CADPS: variants seen among roughly 807,000 people sequenced by gnomAD.
CADPS encodes the protein calcium dependent secretion activator.
In CADPS, 57 loss-of-function variants were observed where a neutral mutation model predicts 167.3. That is an observed-to-expected ratio of 0.34 (90% CI 0.28 to 0.42). The LOEUF is 0.42. Among genes scored for constraint, CADPS ranks in the 20% least tolerant of loss-of-function variants. The pLI is 1.00. For synonymous variants in CADPS, 676 were observed against 635.3 expected, an observed-to-expected ratio of 1.06 and a Z score of -0.96; for missense variants, 1,414 against 1,738.1, an observed-to-expected ratio of 0.81 and a Z score of 3.32.
intron 6 of CADPS, among the ~76,000 whole-genome samples, chr3:62,603,222 T>A (rs895359139): frequency 1.3e-5 from 2 of 152,192 alleles, no homozygotes; most frequent in Admixed American, 6.5e-5. Flanking sequence ...AAAAATGATT[T>A]CAAGAAACTC....
chr3:62,794,265 A>G (rs752687295), intron 1 of CADPS, among the ~76,000 whole-genome samples: 2 of 152,176 alleles, frequency 1.3e-5, no homozygotes, highest in Non-Finnish European at 2.9e-5. Context: ...TGTGTCAACT[A>G]GATACATTTG....
rs547611004 is a variant in CADPS at position 62,446,597 on chromosome 3, G to T, written c.3637-800C>A. On this transcript the variant is annotated intron_variant, in intron 26 of 29. Transcript: ENST00000383710. This position sits in a 1 kb window ranked among gnomAD's most constrained non-coding sequence, Gnocchi z 4.9. ...ATTATTAGTAATAGTGCTTATTTCCGCAGGTTGATAAGGGTGAATTCACAC... is the reference window on the plus strand; with the variant it reads ...ATTATTAGTAATAGTGCTTATTTCCTCAGGTTGATAAGGGTGAATTCACAC... Among the ~76,000 whole-genome samples, 2 of 152,108 alleles carry T rather than the reference G, an allele frequency of 1.3e-5. No individual in the cohort carries two copies. Among genetic ancestry groups the T allele is most frequent in the Non-Finnish European group, 2.9e-5 (2 of 68,032 alleles).
At chr3:62,628,846 T>C (rs1485914639) in intron 6 of CADPS, among the ~76,000 whole-genome samples, 1 of 151,998 alleles carries the variant, frequency 6.6e-6, no homozygotes, top group African/African-American at 2.4e-5. Context: ...AGTATTGTCT[T>C]GATCTCTTGA....
At chr3:62,723,168 A>G (rs1246282636) in intron 3 of CADPS, among the ~76,000 whole-genome samples, 1 of 152,228 alleles carries the variant, frequency 6.6e-6, no homozygotes, top group East Asian at 1.9e-4. Context: ...AGAAAGTGCT[A>G]CAAGGGAAAA....
chr3:62,636,939 T>C (rs970026158), intron 6 of CADPS, among the ~76,000 whole-genome samples: 2 of 152,164 alleles, frequency 1.3e-5, no homozygotes, highest in Non-Finnish European at 2.9e-5. Flanking sequence ...CCTTGGCCAA[T>C]TGATTTCCAG....
In CADPS at chr3:62,862,032, A is replaced by ACTC. The variant is rs140289106; in HGVS notation, c.441+12556_441+12557insGAG. ...TTCATTAGGCAGGAGAGACATAGGG[A>ACTC]CTGGAGCCTTGGAACTCTCCAAGGC... On this transcript the variant is annotated intron_variant, in intron 1 of 29. Transcript: ENST00000383710. 5.2e-4 allele frequency among the ~76,000 whole-genome samples: 79 copies of ACTC among 151,886 alleles called. No homozygotes were observed. In the East Asian group the frequency reaches 0.013, roughly 25 times the overall value.
At chr3:62,728,058 T>C (rs1215857520) in intron 3 of CADPS, among the ~76,000 whole-genome samples, 1 of 151,862 alleles carries the variant, frequency 6.6e-6, no homozygotes, top group Admixed American at 6.5e-5. Flanking sequence ...TATGGTACTG[T>C]TATTTTTCAA....
At chr3:62,638,459 C>G (rs2066767219) in intron 6 of CADPS, among the ~76,000 whole-genome samples, 1 of 152,058 alleles carries the variant, frequency 6.6e-6, no homozygotes. Flanking sequence ...CAGTCCAGTT[C>G]TTAGATTTAC....
intron 7 of CADPS, among the ~76,000 whole-genome samples, chr3:62,586,567 C>T (rs1359698551): frequency 2.0e-5 from 3 of 152,208 alleles, no homozygotes; most frequent in Admixed American, 2.0e-4. Context: ...CAGCCCTTCT[C>T]TTTCTGGGCC....
intron 1 of CADPS, among the ~76,000 whole-genome samples, chr3:62,789,047 T>C (rs2092710172): frequency 6.6e-6 from 1 of 152,298 alleles, no homozygotes; most frequent in East Asian, 1.9e-4. Flanking sequence ...AGAGCAGATA[T>C]TAGTTTCTGA....
intron 1 of CADPS, among the ~76,000 whole-genome samples, chr3:62,815,250 G>A (rs1446036456): frequency 6.6e-6 from 1 of 151,412 alleles, no homozygotes; most frequent in Admixed American, 6.6e-5. Context: ...TTGTGTGATA[G>A]TCAATGGAAT....
intron 19 of CADPS, among the ~76,000 whole-genome samples, chr3:62,492,962 T>A (rs900760358): frequency 6.6e-6 from 1 of 152,228 alleles, no homozygotes; most frequent in African/African-American, 2.4e-5. Context: ...GTTACTCCTA[T>A]TTCATACTAA....
chr3:62,864,834 C>T (rs546564152), intron 1 of CADPS, among the ~76,000 whole-genome samples: 6 of 152,134 alleles, frequency 3.9e-5, no homozygotes, highest in Non-Finnish European at 8.8e-5. Flanking sequence ...ACAATTCAGA[C>T]ACTCACACTA....
intron 1 of CADPS, among the ~76,000 whole-genome samples, chr3:62,868,447 A>G (rs1223300607): frequency 6.6e-6 from 1 of 152,054 alleles, no homozygotes; most frequent in Non-Finnish European, 1.5e-5. Flanking sequence ...TTGCAAATCC[A>G]TAAAAACTCA....
chr3:62,800,318 T>C (rs1219943004), intron 1 of CADPS, among the ~76,000 whole-genome samples: 2 of 152,126 alleles, frequency 1.3e-5, no homozygotes, highest in Admixed American at 6.6e-5. Context: ...ATCATCATCA[T>C]TCTTTTGGGT....
chr3:62,638,362 C>T (rs1310088853), intron 6 of CADPS, among the ~76,000 whole-genome samples: 1 of 152,062 alleles, frequency 6.6e-6, no homozygotes, highest in Non-Finnish European at 1.5e-5. Context: ...TATGTTCTCC[C>T]TGATCACTAA....
chr3:62,415,889 TCTTTTTTCTTTC>T (rs545296455), intron 28 of CADPS, among the ~76,000 whole-genome samples: 102 of 152,340 alleles, frequency 6.7e-4, no homozygotes, highest in African/African-American at 2.1e-3. Flanking sequence ...TCTCTTTCTT[TCTTTTTTCTTTC>T]CTTTTTTCTT....
chr3:62,796,344 T>C (rs2093405554), intron 1 of CADPS: 1 of 152,144 alleles, frequency 6.6e-6, no homozygotes, highest in Non-Finnish European at 1.5e-5. Context: ...AGCCCAGAGA[T>C]CTTGGGCTCA....
chr3:62,558,380 C>T (rs181771528), intron 9 of CADPS, among the ~76,000 whole-genome samples: 1 of 152,364 alleles, frequency 6.6e-6, no homozygotes, highest in East Asian at 1.9e-4. Context: ...CTTAGCATTT[C>T]TACATCTGGC....
Sources: gnomAD v4.1 joint callset for allele counts (sites outside exome capture counted in the v4.1 genomes callset) on GRCh38, gnomAD v4.1.1 for gene constraint, Gnocchi (gnomAD v3.1) non-coding constraint, MANE v1.5 for transcripts, NCBI Gene and HGNC (gene_info 2026-07-23, HGNC 2026-07-21) for gene names.